Variants in NPAS3 observed in about 807,000 individuals in gnomAD.
NPAS3 encodes neuronal PAS domain-containing protein 3.
In NPAS3, 14 loss-of-function variants were observed where a neutral mutation model predicts 73.1. The observed-to-expected ratio is 0.19, with a 90% CI of 0.13 to 0.30. The LOEUF is 0.30. Among genes scored for constraint, NPAS3 ranks in the 10% least tolerant of loss-of-function variants. NPAS3 has a pLI of 1.00. For missense variants in NPAS3, 1,096 were observed against 1,250.0 expected (o/e 0.88, Z 1.86); for synonymous variants, 620 against 541.5 (o/e 1.14, Z -2.01).
intron 2 of NPAS3, among the ~76,000 whole-genome samples, chr14:33,082,489 C>T (rs985155843): frequency 6.6e-6 from 1 of 152,178 alleles, no homozygotes. Flanking sequence ...TATATTCTGC[C>T]ACTACCATTG....
chr14:33,317,102 A>G (rs572958449), intron 3 of NPAS3, among the ~76,000 whole-genome samples: 68 of 152,236 alleles, frequency 4.5e-4, no homozygotes, highest in African/African-American at 1.6e-3. Flanking sequence ...CAAACAGGTT[A>G]CAGTGAAAAA....
intron 2 of NPAS3, among the ~76,000 whole-genome samples, chr14:33,156,939 G>T (rs1162317881): frequency 1.3e-5 from 2 of 152,120 alleles, no homozygotes; most frequent in Non-Finnish European, 2.9e-5. Context: ...TGCCATTAAT[G>T]CAGTATTTAT....
intron 3 of NPAS3, among the ~76,000 whole-genome samples, chr14:33,355,401 A>G (rs1330601477): frequency 2.0e-5 from 3 of 152,060 alleles, no homozygotes; most frequent in Non-Finnish European, 2.9e-5. Flanking sequence ...CCCAGGTTCA[A>G]GCGATTCTCC....
intron 4 of NPAS3, among the ~76,000 whole-genome samples, chr14:33,370,251 G>A (rs568571604): frequency 1.3e-5 from 2 of 152,246 alleles, no homozygotes; most frequent in East Asian, 3.9e-4. Context: ...GTACTATGGG[G>A]CCACAAAAGA....
chr14:33,567,909 CAGTG>C (rs932950886), intron 5 of NPAS3, among the ~76,000 whole-genome samples: 13 of 152,264 alleles, frequency 8.5e-5, no homozygotes, highest in African/African-American at 2.9e-4. Flanking sequence ...TTTTTCCAGA[CAGTG>C]AGGCTAAAAC....
In NPAS3 at chr14:33,543,985, A is replaced by C. The variant is rs1360476892; in HGVS notation, c.469-16136A>C. Among the ~76,000 whole-genome samples, 106 of 38,120 alleles carry C rather than the reference A, an allele frequency of 2.8e-3. 2 individuals are homozygous for C. Among genetic ancestry groups the C allele is most frequent in the African/African-American group, 0.022 (89 of 3,990 alleles). The allele number at this position is 38,120 out of a possible 152,430, so 25.0% of individuals were successfully genotyped here. A position where few individuals can be genotyped will look rare whatever the true frequency, so the allele number is the denominator to read the frequency against. On this transcript the variant is annotated intron_variant, in intron 4 of 11. Transcript: ENST00000356141. ...TATATATATATATATATATATATAT[A>C]TATATATATATATATATCTATATCA...
At chr14:33,235,104 T>A in intron 3 of NPAS3, among the ~76,000 whole-genome samples, 1 of 152,208 alleles carries the variant, frequency 6.6e-6, no homozygotes, top group East Asian at 1.9e-4. Flanking sequence ...AATAATAAAT[T>A]TAGTGTTATC....
chr14:33,461,663 A>G (rs937955773), intron 4 of NPAS3, among the ~76,000 whole-genome samples: 3 of 152,224 alleles, frequency 2.0e-5, no homozygotes, highest in African/African-American at 7.2e-5. Flanking sequence ...GTTTGCGGTA[A>G]CTGACAAAAG....
At chr14:33,636,057 A>G (rs1225426690) in intron 5 of NPAS3, among the ~76,000 whole-genome samples, 2 of 152,110 alleles carry the variant, frequency 1.3e-5, no homozygotes, top group South Asian at 4.1e-4. Flanking sequence ...AGTAGCTGGG[A>G]TTACAGGCAT....
At chr14:33,119,989 G>A (rs564119216) in intron 2 of NPAS3, among the ~76,000 whole-genome samples, 1 of 151,076 alleles carries the variant, frequency 6.6e-6, no homozygotes, top group African/African-American at 2.4e-5. Flanking sequence ...TCTCTGCTAG[G>A]AGCATATACT....
chr14:33,042,386 T>C (rs1030792383), intron 1 of NPAS3, among the ~76,000 whole-genome samples: 2 of 152,198 alleles, frequency 1.3e-5, no homozygotes, highest in Non-Finnish European at 2.9e-5. Flanking sequence ...TGTTTCATAA[T>C]GGGAAAGACG....
At chr14:33,642,186 A>T (rs1035829814) in intron 5 of NPAS3, among the ~76,000 whole-genome samples, 2 of 152,148 alleles carry the variant, frequency 1.3e-5, no homozygotes, top group African/African-American at 4.8e-5. Context: ...TCCTGTCTTC[A>T]TTTTCTTTTC....
chr14:33,115,311 T>A (rs1472815688), intron 2 of NPAS3, among the ~76,000 whole-genome samples: 2 of 152,060 alleles, frequency 1.3e-5, no homozygotes, highest in Admixed American at 1.3e-4. Context: ...GAAGTAAGGA[T>A]TAGGAAGGAG....
intron 3 of NPAS3, among the ~76,000 whole-genome samples, chr14:33,326,777 CA>C (rs772863611): frequency 1.6e-4 from 25 of 152,164 alleles, no homozygotes; most frequent in Non-Finnish European, 3.1e-4. Flanking sequence ...GTTTCTGATA[CA>C]ATGGCAAAGA....
upstream of NPAS3, among the ~76,000 whole-genome samples, chr14:32,935,348 A>G (rs1172278070): frequency 6.6e-6 from 1 of 152,122 alleles, no homozygotes; most frequent in African/African-American, 2.4e-5. Context: ...AATTTTCTCA[A>G]TGCCTCAGCC....
intron 3 of NPAS3, among the ~76,000 whole-genome samples, chr14:33,325,200 CCA>C (rs1366646551): frequency 1.3e-5 from 2 of 151,902 alleles, no homozygotes; most frequent in Non-Finnish European, 2.9e-5. Flanking sequence ...GGCACATAGT[CCA>C]TGTGTATATT....
At chr14:33,057,642 T>C (rs1414895619) in intron 2 of NPAS3, among the ~76,000 whole-genome samples, 1 of 152,230 alleles carries the variant, frequency 6.6e-6, no homozygotes, top group African/African-American at 2.4e-5. Context: ...CTGCTAGCTG[T>C]AGGAATCATC....
chr14:33,121,579 T>G (rs72676772), intron 2 of NPAS3, among the ~76,000 whole-genome samples: 2,756 of 152,290 alleles, frequency 0.018, 34 homozygotes, highest in Non-Finnish European at 0.026. Flanking sequence ...AAGGACACCT[T>G]TTTAGCAATC....
intron 2 of NPAS3, among the ~76,000 whole-genome samples, chr14:33,108,869 T>G (rs998240723): frequency 2.6e-5 from 4 of 152,132 alleles, no homozygotes; most frequent in Non-Finnish European, 5.9e-5. Context: ...AGCATTGAAA[T>G]GGTTTGACAC....
Sources: gnomAD v4.1 joint callset for allele counts (sites outside exome capture counted in the v4.1 genomes callset) on GRCh38, gnomAD v4.1.1 for gene constraint, MANE v1.5 for transcripts, NCBI Gene and HGNC (gene_info 2026-07-23, HGNC 2026-07-21) for gene names.